IAPP: variants seen among roughly 807,000 people sequenced by gnomAD.
The protein encoded by IAPP is islet amyloid polypeptide.
Under a neutral mutation model 2.9 loss-of-function variants are expected in IAPP, and 4 were observed. The ratio of observed to expected loss-of-function variants is 1.39; its 90% CI spans 0.69 to 3.19. The LOEUF is 3.19. IAPP is among the 30% of genes most tolerant of loss of function. The probability of loss-of-function intolerance (pLI) is 0.01; values close to 1 mark genes in which losing one functional copy is unlikely to be tolerated. For synonymous variants in IAPP, 40 were observed against 42.1 expected, an observed-to-expected ratio of 0.95 and a Z score of 0.19; for missense variants, 114 against 105.3, an observed-to-expected ratio of 1.08 and a Z score of -0.36.
At chr12:21,362,900 C>T (rs1386289139) in intron 1 of IAPP, among the ~76,000 whole-genome samples, 2 of 152,264 alleles carry the variant, frequency 1.3e-5, no homozygotes, top group Middle Eastern at 6.8e-3. Flanking sequence ...TAAAGCAAGT[C>T]ATTAGAGACC....
intron 1 of IAPP, among the ~76,000 whole-genome samples, chr12:21,364,313 T>C (rs12319570): frequency 0.14 from 21,371 of 152,200 alleles, 1,621 homozygotes; most frequent in Middle Eastern, 0.21. Flanking sequence ...ATTATCTCAA[T>C]AGATGAAGAA....
Position 21,378,386 on chromosome 12 carries a change from AG to A in IAPP, c.232del (p.Val78PhefsTer2). On this transcript the variant is annotated frameshift_variant, in exon 3 of 3. Transcript: ENST00000240652. LOFTEE classifies it high-confidence loss of function. ...ACATATGGCAAGAGGAATGCAGTAGAGGTTTTAAAGAGAGAGCCACTGAATT... is the reference window on the plus strand; with the variant it reads ...ACATATGGCAAGAGGAATGCAGTAGAGTTTTAAAGAGAGAGCCACTGAATT... ...SNTYGKRNAV[E>X]VLKREPLNYL... 1 of 1,614,144 alleles carries A rather than the reference AG, an allele frequency of 6.2e-7. No homozygotes were observed. The highest frequency in any genetic ancestry group is 8.5e-7 in the Non-Finnish European group (1 of 1,179,982).
chr12:21,365,768 C>T (rs1475875174), intron 1 of IAPP, among the ~76,000 whole-genome samples: 6 of 152,258 alleles, frequency 3.9e-5, no homozygotes, highest in African/African-American at 1.2e-4. Flanking sequence ...CAAAAGAAGA[C>T]ATTTATGCAG....
intron 1 of IAPP, among the ~76,000 whole-genome samples, chr12:21,364,932 G>A (rs900718381): frequency 6.6e-6 from 1 of 152,120 alleles, no homozygotes; most frequent in African/African-American, 2.4e-5. Context: ...TCATGCTCGT[G>A]GATAGGAAGA....
In IAPP at chr12:21,372,983, G is replaced by T; in HGVS notation, c.-37G>T. 1 of 254,086 alleles carries T rather than the reference G, an allele frequency of 3.9e-6. No homozygotes were observed. The highest frequency in any genetic ancestry group is 7.6e-6 in the Non-Finnish European group (1 of 131,624). 15.7% of individuals were successfully genotyped at this position (254,086 alleles called of 1,614,324 possible). On this transcript the variant is annotated 5_prime_UTR_variant, in exon 1 of 3. Coordinates refer to ENST00000240652, the MANE Select transcript of IAPP (RefSeq NM_000415.3). ...TCTATCAGAAGCATTTGCTGATATT[G>T]CTGACATTGAAACATTAAAAGGTAA...
chr12:21,367,256 A>G (rs1454017208), intron 1 of IAPP, among the ~76,000 whole-genome samples: 8 of 152,178 alleles, frequency 5.3e-5, no homozygotes, highest in East Asian at 1.9e-4. Flanking sequence ...TCAGTCTTTC[A>G]TGTGTCCATT....
chr12:21,363,569 G>A (rs181987082), intron 1 of IAPP, among the ~76,000 whole-genome samples: 155 of 152,204 alleles, frequency 1.0e-3, no homozygotes, highest in African/African-American at 3.6e-3. Context: ...AGTAGATAGA[G>A]ACACAAAAAA....
intron 2 of IAPP, among the ~76,000 whole-genome samples, chr12:21,376,018 T>C (rs1272763726): frequency 3.3e-5 from 5 of 152,208 alleles, no homozygotes; most frequent in Non-Finnish European, 7.4e-5. Flanking sequence ...AATAGTATAT[T>C]TAGATGAAAA....
intron 1 of IAPP, among the ~76,000 whole-genome samples, chr12:21,364,642 A>T (rs1939221302): frequency 6.6e-6 from 1 of 152,218 alleles, no homozygotes; most frequent in African/African-American, 2.4e-5. Context: ...GTATATTTAG[A>T]AAACCCCAAC....
At chr12:21,364,033 C>T (rs973026752) in intron 1 of IAPP, among the ~76,000 whole-genome samples, 3 of 152,172 alleles carry the variant, frequency 2.0e-5, no homozygotes, top group Middle Eastern at 3.2e-3. Flanking sequence ...GGGAATCCTC[C>T]CTCAGTCATT....
intron 1 of IAPP, among the ~76,000 whole-genome samples, chr12:21,356,461 G>T (rs971637051): frequency 6.6e-6 from 1 of 151,582 alleles, no homozygotes; most frequent in African/African-American, 2.4e-5. Context: ...AACAATAGAA[G>T]AACGGGCACA....
At chr12:21,377,633 C>T (rs994779249) in intron 2 of IAPP, among the ~76,000 whole-genome samples, 2 of 152,130 alleles carry the variant, frequency 1.3e-5, no homozygotes, top group Non-Finnish European at 1.5e-5. Context: ...ATTTTAAATA[C>T]TTCATATACA....
At chr12:21,377,683 T>G (rs761922595) in intron 2 of IAPP, among the ~76,000 whole-genome samples, 32 of 152,200 alleles carry the variant, frequency 2.1e-4, no homozygotes, top group Non-Finnish European at 4.0e-4. Context: ...ACTAGCTTCT[T>G]TCACTCAACC....
At chr12:21,365,713 A>G (rs1024173175) in intron 1 of IAPP, among the ~76,000 whole-genome samples, 6 of 152,188 alleles carry the variant, frequency 3.9e-5, no homozygotes, top group African/African-American at 1.4e-4. Flanking sequence ...AAAAAAACAA[A>G]CAACCCCATT....
intron 1 of IAPP, among the ~76,000 whole-genome samples, chr12:21,356,670 C>A (rs1938394415): frequency 6.6e-6 from 1 of 151,800 alleles, no homozygotes; most frequent in Non-Finnish European, 1.5e-5. Flanking sequence ...TTCTATGCAC[C>A]CAATGAGTAA....
chr12:21,362,779 A>C (rs1057395566), intron 1 of IAPP, among the ~76,000 whole-genome samples: 3 of 152,230 alleles, frequency 2.0e-5, no homozygotes, highest in Non-Finnish European at 2.9e-5. Flanking sequence ...CTTTAAACCA[A>C]TAAAGATCAA....
intron 1 of IAPP, among the ~76,000 whole-genome samples, chr12:21,367,221 G>A: frequency 6.6e-6 from 1 of 152,198 alleles, no homozygotes; most frequent in African/African-American, 2.4e-5. Context: ...AATGTGTTTA[G>A]AACTATGCTC....
chr12:21,375,745 T>C (rs1940147393), intron 2 of IAPP, among the ~76,000 whole-genome samples: 1 of 152,212 alleles, frequency 6.6e-6, no homozygotes, highest in South Asian at 2.1e-4. Context: ...GGAGAGACAA[T>C]TTAAAAGAGA....
intron 1 of IAPP, among the ~76,000 whole-genome samples, chr12:21,365,795 A>G (rs545790719): frequency 9.6e-4 from 147 of 152,370 alleles, no homozygotes; most frequent in Middle Eastern, 3.4e-3. Flanking sequence ...GACACATGAA[A>G]AAATGCTCAT....
Sources: gnomAD v4.1 joint callset for allele counts (sites outside exome capture counted in the v4.1 genomes callset) on GRCh38, gnomAD v4.1.1 for gene constraint, MANE v1.5 for transcripts, NCBI Gene and HGNC (gene_info 2026-07-23, HGNC 2026-07-21) for gene names.